The following MICAL3 variants were observed in gnomAD, a reference collection of about 807,000 sequenced individuals.
The protein encoded by MICAL3 is [F-actin]-monooxygenase MICAL3.
A neutral mutation model predicts 207.4 loss-of-function variants in MICAL3; 62 were observed. The observed-to-expected ratio is 0.30, with a 90% CI of 0.24 to 0.37. The LOEUF (loss-of-function observed/expected upper bound fraction) is 0.37, where lower values mean the gene tolerates loss of function less well. Ranked by LOEUF, MICAL3 falls within the 10% of genes least tolerant of loss-of-function variation. The probability of loss-of-function intolerance (pLI) is 1.00; values close to 1 mark genes in which losing one functional copy is unlikely to be tolerated. For missense variants in MICAL3, 2,368 were observed against 2,635.6 expected (o/e 0.90, Z 2.22); for synonymous variants, 1,077 against 1,069.3 (o/e 1.01, Z -0.14).
intron 12 of MICAL3, among the ~76,000 whole-genome samples, chr22:17,890,426 C>T (rs538499317): frequency 2.0e-5 from 3 of 152,274 alleles, no homozygotes; most frequent in South Asian, 4.2e-4. Context: ...CCATCCTCTG[C>T]CACTGATCAC....
Position 17,816,670 on chromosome 22 carries a change from C to A in MICAL3, c.5445+20G>T. 1 of 1,537,984 alleles carries A rather than the reference C, an allele frequency of 6.5e-7. No individual in the cohort carries two copies. Among genetic ancestry groups the A allele is most frequent in the Non-Finnish European group, 8.8e-7 (1 of 1,134,932 alleles). ...AGACAGGGCCCCAGGCCCTGTGAAGCCCCCTGCCTGACTACCCACCTCTCG... is the reference window on the plus strand; with the variant it reads ...AGACAGGGCCCCAGGCCCTGTGAAGACCCCTGCCTGACTACCCACCTCTCG... On this transcript the variant is annotated intron_variant, in intron 27 of 31. Transcript: ENST00000441493.
intron 20 of MICAL3, among the ~76,000 whole-genome samples, chr22:17,834,157 C>A (rs555669956): frequency 1.3e-5 from 2 of 152,290 alleles, no homozygotes; most frequent in East Asian, 3.9e-4. Flanking sequence ...TGTGCCACAC[C>A]AGCTCTGCTA....
chr22:17,917,536 TC>T (rs1932608588), intron 1 of MICAL3, among the ~76,000 whole-genome samples: 1 of 152,060 alleles, frequency 6.6e-6, no homozygotes, highest in South Asian at 2.1e-4. Context: ...TGCATGAGCC[TC>T]CCCTACTTCT....
chr22:17,876,126 C>G (rs924647313), intron 16 of MICAL3, among the ~76,000 whole-genome samples: 1 of 152,110 alleles, frequency 6.6e-6, no homozygotes, highest in Admixed American at 6.6e-5. Flanking sequence ...GAATCCCAAG[C>G]AAAGATGAGG....
chr22:17,867,075 C>T (rs1051940486), intron 17 of MICAL3, among the ~76,000 whole-genome samples: 2 of 152,188 alleles, frequency 1.3e-5, no homozygotes, highest in Admixed American at 1.3e-4. Flanking sequence ...GGTAAGATGG[C>T]ATTCTTCCCT....
chr22:17,797,180 G>A (rs1285871931), intron 29 of MICAL3, among the ~76,000 whole-genome samples: 2 of 152,204 alleles, frequency 1.3e-5, no homozygotes, highest in Non-Finnish European at 2.9e-5. Context: ...AGGCTTGAGT[G>A]CCTTGCTCAC....
chr22:17,875,338 G>A (rs1158722609), intron 16 of MICAL3: 11 of 580,374 alleles, frequency 1.9e-5, no homozygotes, highest in Admixed American at 8.8e-5. Context: ...TACAGGAGAC[G>A]GGCCCAAGTG....
At chr22:17,842,135 A>G (rs1444906805) in intron 19 of MICAL3, 118 bp from the exon 20 acceptor site, 1 of 989,950 alleles carries the variant, frequency 1.0e-6, no homozygotes, top group East Asian at 2.6e-5. Flanking sequence ...GACAAAGGTC[A>G]GAGCATTTGC....
intron 26 of MICAL3, 129 bp downstream of exon 26, chr22:17,817,182 C>T: frequency 8.5e-7 from 1 of 1,181,736 alleles, no homozygotes; most frequent in Non-Finnish European, 1.2e-6. Flanking sequence ...GTCCCTTCTC[C>T]AGGTCAGCAC....
intron 1 of MICAL3, among the ~76,000 whole-genome samples, chr22:17,925,516 AAG>A (rs1932899140): frequency 6.6e-6 from 1 of 152,192 alleles, no homozygotes; most frequent in Non-Finnish European, 1.5e-5. Flanking sequence ...AATGTGAAAA[AAG>A]AAGTTGATAT....
In MICAL3 at chr22:17,833,706, G is replaced by A. The variant is rs113024266; in HGVS notation, c.2802-1599C>T. 2.5e-3 allele frequency among the ~76,000 whole-genome samples: 377 copies of A among 152,310 alleles called. 4 individuals are homozygous for A. The highest frequency in any genetic ancestry group is 5.5e-3 in the Admixed American group (84 of 15,306). On this transcript the variant is annotated intron_variant, in intron 20 of 31. Coordinates refer to ENST00000441493, the MANE Select transcript of MICAL3 (RefSeq NM_015241.3). ...TAGTCTAGTAATGTGATTAGGGTGA[G>A]GCTTTGGGTAGCACGGTATCCAGTG...
chr22:17,872,745 A>G, intron 16 of MICAL3: 1 of 1,595,626 alleles, frequency 6.3e-7, no homozygotes, highest in East Asian at 2.2e-5. Flanking sequence ...GGCGTCTCTT[A>G]CCAGTTCCTT....
Position 17,790,482 on chromosome 22 carries a change from G to A in MICAL3, c.*250C>T, listed in dbSNP as rs987976490. ...TGGTCCCCTGCGTCATGCCATACAC[G>A]CCGTGCTGCTCCTCTGAGTGGGAGG... On this transcript the variant is annotated 3_prime_UTR_variant, in exon 32 of 32. Transcript: ENST00000441493. The A allele has an allele frequency of 9.2e-6, 5 of 546,022 alleles. No individual in the cohort carries two copies. Among genetic ancestry groups the A allele is most frequent in the African/African-American group, 1.9e-5 (1 of 53,158 alleles). The allele number at this position is 546,022 out of a possible 1,614,324, so 33.8% of individuals were successfully genotyped here.
chr22:17,877,425 G>C (rs1432761194), intron 16 of MICAL3, among the ~76,000 whole-genome samples: 200 of 105,988 alleles, frequency 1.9e-3, no homozygotes, highest in African/African-American at 3.4e-3. Flanking sequence ...GGAGGTTAGG[G>C]AGATTATGGA....
chr22:17,928,502 A>T (rs1030761684), intron 1 of MICAL3, among the ~76,000 whole-genome samples: 1 of 152,186 alleles, frequency 6.6e-6, no homozygotes, highest in Non-Finnish European at 1.5e-5. Flanking sequence ...CATGTAGTGT[A>T]TGAGATATAT....
intron 1 of MICAL3, among the ~76,000 whole-genome samples, chr22:17,982,118 A>T (rs565027767): frequency 1.3e-5 from 2 of 152,234 alleles, no homozygotes; most frequent in South Asian, 2.1e-4. Flanking sequence ...AAATAAAAAA[A>T]AAAAAATTAA....
At chr22:17,994,432 G>GA (rs1227681367) in intron 1 of MICAL3, among the ~76,000 whole-genome samples, 1 of 152,210 alleles carries the variant, frequency 6.6e-6, no homozygotes, top group African/African-American at 2.4e-5. Flanking sequence ...ACTGGCAACA[G>GA]AAAAGAGACA....
chr22:17,846,401 A>C (rs1924629249), intron 19 of MICAL3, among the ~76,000 whole-genome samples: 1 of 151,992 alleles, frequency 6.6e-6, no homozygotes, highest in Non-Finnish European at 1.5e-5. Flanking sequence ...GAAATTAAAA[A>C]AAAAACCACA....
intron 22 of MICAL3, among the ~76,000 whole-genome samples, 191 bp downstream of exon 22, chr22:17,827,452 AC>A (rs1366905673): frequency 6.6e-6 from 1 of 152,212 alleles, no homozygotes; most frequent in African/African-American, 2.4e-5. Flanking sequence ...CTCTTAATCC[AC>A]AGAGAACTTC....
Sources: allele counts gnomAD v4.1 joint callset (sites outside exome capture counted in the v4.1 genomes callset), GRCh38; gene constraint gnomAD v4.1.1; transcripts MANE v1.5; gene names NCBI Gene and HGNC (gene_info 2026-07-23, HGNC 2026-07-21).